Variants in KIAA0513 observed in about 807,000 individuals in gnomAD.
The protein encoded by KIAA0513 is KIAA0513.
A neutral mutation model predicts 56.5 loss-of-function variants in KIAA0513; 39 were observed. That is an observed-to-expected ratio of 0.69 (90% confidence interval 0.53 to 0.90). The LOEUF (loss-of-function observed/expected upper bound fraction) is 0.90, where lower values mean the gene tolerates loss of function less well. KIAA0513 is among the 40% of genes least tolerant of loss of function. KIAA0513 has a pLI of 0.00. For synonymous variants in KIAA0513, 268 were observed against 215.6 expected, an observed-to-expected ratio of 1.24 and a Z score of -2.13; for missense variants, 591 against 535.2, an observed-to-expected ratio of 1.10 and a Z score of -1.03.
chr16:85,078,974 G>C lies in KIAA0513; in HGVS notation c.873G>C (p.Leu291=). 1 of 1,614,152 alleles carries C rather than the reference G, an allele frequency of 6.2e-7. No homozygotes were observed. Among genetic ancestry groups the C allele is most frequent in the Non-Finnish European group, 8.5e-7 (1 of 1,180,028 alleles). ...AAAAGAAGGGGGAGAAGATCTACCT[G>C]TACACGCACCTGAAGCAACAGCCCA... ...EDEKKGEKIY[L]YTHLKQQPIW... Residue 291 remains leucine (L), a synonymous_variant, in exon 8 of 13, where the codon CTG becomes CTC. Transcript: ENST00000683363.
chr16:85,048,095 G>A (rs1247328162), intron 1 of KIAA0513, among the ~76,000 whole-genome samples: 2 of 152,206 alleles, frequency 1.3e-5, no homozygotes, highest in Non-Finnish European at 2.9e-5. Flanking sequence ...AAACAGAAAT[G>A]AGGAAGTCAG....
rs568736399 is a variant in KIAA0513 at position 85,049,338 on chromosome 16, C to T, written c.-172-17562C>T. The stretch of plus-strand genomic sequence containing the variant: ...TAGCTTTGGCCCTTCATGGGGCCAG[C>T]GGGAGCTGAGCACCAAATCCAAAGA... On this transcript the variant is annotated intron_variant, in intron 1 of 12. Coordinates refer to ENST00000683363, the MANE Select transcript of KIAA0513 (RefSeq NM_001388359.1). 1.6e-4 allele frequency among the ~76,000 whole-genome samples: 25 copies of T among 152,328 alleles called. No homozygotes were observed. In the South Asian group the frequency reaches 3.1e-3, roughly 19 times the overall value.
At chr16:85,049,341 G>C (rs972658573) in intron 1 of KIAA0513, among the ~76,000 whole-genome samples, 2 of 152,212 alleles carry the variant, frequency 1.3e-5, no homozygotes, top group African/African-American at 4.8e-5. Flanking sequence ...GGGCCAGCGG[G>C]AGCTGAGCAC....
At chr16:85,068,534 A>T (rs1220537366) in intron 2 of KIAA0513, among the ~76,000 whole-genome samples, 1 of 151,144 alleles carries the variant, frequency 6.6e-6, no homozygotes, top group African/African-American at 2.4e-5. Context: ...GGGTTTCACC[A>T]TGTTAGCCAG....
intron 1 of KIAA0513, among the ~76,000 whole-genome samples, chr16:85,037,518 C>T (rs1018763524): frequency 4.6e-5 from 7 of 152,144 alleles, no homozygotes; most frequent in African/African-American, 9.7e-5. Flanking sequence ...GTCCATATGT[C>T]AATGTCAAAC....
At chr16:85,059,381 C>G (rs1433886479) in intron 1 of KIAA0513, among the ~76,000 whole-genome samples, 2 of 152,224 alleles carry the variant, frequency 1.3e-5, no homozygotes, top group African/African-American at 4.8e-5. Flanking sequence ...TAAAAACATT[C>G]TCAGCCCCTT....
At chr16:85,084,993 C>T (rs1209164109) in intron 10 of KIAA0513, among the ~76,000 whole-genome samples, 12 of 152,234 alleles carry the variant, frequency 7.9e-5, no homozygotes, top group Admixed American at 2.0e-4. Context: ...CAAGAAGAAT[C>T]GCCTCCTCAT....
intron 1 of KIAA0513, among the ~76,000 whole-genome samples, chr16:85,049,038 A>G (rs569795801): frequency 2.4e-4 from 36 of 152,332 alleles, no homozygotes; most frequent in Non-Finnish European, 3.8e-4. Flanking sequence ...GAAGACACCA[A>G]CACCGAGTGC....
At chr16:85,063,188 A>G (rs1597619325) in intron 1 of KIAA0513, 1 of 152,206 alleles carries the variant, frequency 6.6e-6, no homozygotes, top group Admixed American at 6.5e-5. Flanking sequence ...GGAGAGGGTG[A>G]CTCACGAGAG....
intron 1 of KIAA0513, among the ~76,000 whole-genome samples, chr16:85,033,480 C>T (rs913767187): frequency 3.3e-5 from 5 of 152,342 alleles, no homozygotes; most frequent in South Asian, 4.1e-4. Flanking sequence ...CGGGTGAATA[C>T]GATGCCCTGC....
In KIAA0513 at chr16:85,086,531, C is replaced by T. The variant is rs1049867887; in HGVS notation, c.1011-113C>T. The T allele has an allele frequency of 2.8e-5, 28 of 983,518 alleles. No homozygotes were observed. The Middle Eastern group carries it at 7.2e-4, about 25-fold the overall frequency. The allele number at this position is 983,518 out of a possible 1,614,324, so 60.9% of individuals were successfully genotyped here. ...GGTGGAAGGCACCCCCTTCTGTGCC[C>T]GGTGGGGGCCGTACATGGGTGCCGC... On this transcript the variant is annotated intron_variant, in intron 10 of 12. Coordinates refer to ENST00000683363, the MANE Select transcript of KIAA0513 (RefSeq NM_001388359.1).
At chr16:85,056,568 C>T (rs1198711690) in intron 1 of KIAA0513, among the ~76,000 whole-genome samples, 21 of 152,246 alleles carry the variant, frequency 1.4e-4, no homozygotes, top group Admixed American at 1.4e-3. Context: ...AGACACAGTT[C>T]CCCAAGTCTT....
At chr16:85,085,944 G>A (rs945679085) in intron 10 of KIAA0513, among the ~76,000 whole-genome samples, 2 of 152,226 alleles carry the variant, frequency 1.3e-5, no homozygotes, top group Non-Finnish European at 1.5e-5. Flanking sequence ...CAGGGTCACG[G>A]TCAAAGAGAC....
intron 2 of KIAA0513, among the ~76,000 whole-genome samples, chr16:85,069,420 A>G (rs2073539544): frequency 2.0e-5 from 3 of 151,980 alleles, no homozygotes; most frequent in Admixed American, 6.6e-5. Flanking sequence ...CCTTCCCTGG[A>G]TGGCCGTTCT....
intron 9 of KIAA0513, 150 bp from the exon 10 acceptor site, chr16:85,082,414 G>A (rs946841660): frequency 1.4e-6 from 1 of 733,500 alleles, no homozygotes. Context: ...CTTCTAGGAA[G>A]TGAATTTATT....
At chr16:85,049,834 C>T (rs2073224400) in intron 1 of KIAA0513, among the ~76,000 whole-genome samples, 1 of 152,152 alleles carries the variant, frequency 6.6e-6, no homozygotes, top group Non-Finnish European at 1.5e-5. Context: ...TTCATAAGGC[C>T]CGAGTCCTGC....
At chr16:85,079,821 A>G (rs1327729008) in intron 8 of KIAA0513, 1 of 152,232 alleles carries the variant, frequency 6.6e-6, no homozygotes, top group Non-Finnish European at 1.5e-5. Flanking sequence ...TTACATATAT[A>G]TACGTGAATG....
At chr16:85,084,288 C>T (rs1351566298) in intron 10 of KIAA0513, among the ~76,000 whole-genome samples, 1 of 151,180 alleles carries the variant, frequency 6.6e-6, no homozygotes, top group East Asian at 1.9e-4. Flanking sequence ...TCTTGTTGCC[C>T]AGGCTGGAGT....
chr16:85,048,770 A>G (rs1266881942), intron 1 of KIAA0513, among the ~76,000 whole-genome samples: 1 of 152,208 alleles, frequency 6.6e-6, no homozygotes, highest in Non-Finnish European at 1.5e-5. Flanking sequence ...TGATAATAAT[A>G]CTAATCAAAT....
Sources: gnomAD v4.1 joint callset for allele counts (sites outside exome capture counted in the v4.1 genomes callset) on GRCh38, gnomAD v4.1.1 for gene constraint, MANE v1.5 for transcripts, NCBI Gene and HGNC (gene_info 2026-07-23, HGNC 2026-07-21) for gene names.